Variants in RAD51B observed in about 807,000 individuals in gnomAD.
RAD51B encodes the protein RAD51 paralog B, also known as DNA repair protein RAD51 homolog 2.
In RAD51B, 38 loss-of-function variants were observed where a neutral mutation model predicts 42.2. The ratio of observed to expected loss-of-function variants is 0.90; its 90% CI spans 0.70 to 1.18. The LOEUF (loss-of-function observed/expected upper bound fraction) is 1.18, where lower values mean the gene tolerates loss of function less well. Ranked by LOEUF, RAD51B falls within the 50% of genes most tolerant of loss-of-function variation. The pLI, the probability that RAD51B is intolerant of heterozygous loss-of-function variation, is 0.00. For synonymous variants in RAD51B, 154 were observed against 145.2 expected (o/e 1.06, Z -0.43); for missense variants, 373 against 400.7 (o/e 0.93, Z 0.59).
chr14:67,955,985 C>A (rs1286565360), intron 7 of RAD51B, among the ~76,000 whole-genome samples: 3 of 152,166 alleles, frequency 2.0e-5, no homozygotes, highest in African/African-American at 4.8e-5. Context: ...TAGTTCCTTT[C>A]CTGAAAGTAA....
intron 8 of RAD51B, among the ~76,000 whole-genome samples, chr14:68,316,144 A>G (rs1300612707): frequency 6.6e-6 from 1 of 152,236 alleles, no homozygotes; most frequent in African/African-American, 2.4e-5. Context: ...ATGGGTTACA[A>G]GAAAGAATAC....
chr14:68,014,945 C>G (rs2075752055), intron 7 of RAD51B, among the ~76,000 whole-genome samples: 1 of 151,392 alleles, frequency 6.6e-6, no homozygotes, highest in Non-Finnish European at 1.5e-5. Context: ...ACTAGGGCCA[C>G]CCGGGATGCT....
At chr14:68,547,460 A>G (rs1347665763) in intron 10 of RAD51B, among the ~76,000 whole-genome samples, 4 of 152,210 alleles carry the variant, frequency 2.6e-5, no homozygotes. Context: ...CCAGTCCACA[A>G]AACAGCTCAA....
intron 7 of RAD51B, among the ~76,000 whole-genome samples, chr14:68,271,943 C>T (rs116709661): frequency 9.4e-4 from 143 of 152,282 alleles, no homozygotes; most frequent in African/African-American, 3.2e-3. Context: ...CTCCTTTCTC[C>T]AGGGGGAAGT....
chr14:68,674,098 C>T (rs1182101135), intron 11 of RAD51B, among the ~76,000 whole-genome samples: 3 of 152,058 alleles, frequency 2.0e-5, no homozygotes, highest in Non-Finnish European at 4.4e-5. Context: ...GGTATACGCA[C>T]ACTTGCATAT....
chr14:67,865,300 G>A (rs1242707366), intron 5 of RAD51B, among the ~76,000 whole-genome samples, 161 bp downstream of exon 5: 2 of 148,868 alleles, frequency 1.3e-5, no homozygotes, highest in Non-Finnish European at 3.0e-5. Flanking sequence ...GCAGTGGCAC[G>A]ATCTGGGCTC....
intron 10 of RAD51B, among the ~76,000 whole-genome samples, chr14:68,589,101 G>A (rs985807548): frequency 2.0e-5 from 3 of 152,194 alleles, no homozygotes; most frequent in African/African-American, 7.2e-5. Context: ...CTTGAAGACA[G>A]CCATGCATGT....
chr14:68,419,086 A>C (rs547783235), intron 9 of RAD51B, among the ~76,000 whole-genome samples: 1 of 152,290 alleles, frequency 6.6e-6, no homozygotes, highest in East Asian at 1.9e-4. Context: ...TGCCAAGCCT[A>C]GGATCTGCAG....
chr14:67,841,548 TG>T (rs1447340099), intron 4 of RAD51B, among the ~76,000 whole-genome samples: 1 of 152,212 alleles, frequency 6.6e-6, no homozygotes, highest in African/African-American at 2.4e-5. Flanking sequence ...TTTTATGGGT[TG>T]GGTCTTAGAT....
intron 7 of RAD51B, among the ~76,000 whole-genome samples, chr14:68,003,055 T>C (rs1157871080): frequency 6.6e-6 from 1 of 152,208 alleles, no homozygotes; most frequent in African/African-American, 2.4e-5. Context: ...TGTTTTCTAA[T>C]TCTGTGAAGG....
At chr14:68,442,416 C>G (rs1294821116) in intron 9 of RAD51B, among the ~76,000 whole-genome samples, 2 of 137,246 alleles carry the variant, frequency 1.5e-5, no homozygotes, top group Non-Finnish European at 3.1e-5. Flanking sequence ...TGAGTGCCTA[C>G]TATGTAGTAG....
intron 5 of RAD51B, among the ~76,000 whole-genome samples, chr14:67,872,775 A>G (rs1174221304): frequency 8.8e-4 from 133 of 151,066 alleles, no homozygotes; most frequent in African/African-American, 3.2e-3. Flanking sequence ...AGCCCTCAGA[A>G]ATAATGCCGC....
At chr14:68,356,982 CAAAAAAAAA>C (rs34774624) in intron 8 of RAD51B, among the ~76,000 whole-genome samples, 2 of 92,312 alleles carry the variant, frequency 2.2e-5, no homozygotes, top group Admixed American at 1.3e-4. Context: ...GACTCCGTCT[CAAAAAAAAA>C]AAAAAAAAAA....
chr14:68,639,701 A>G (rs1355084090), intron 10 of RAD51B, among the ~76,000 whole-genome samples: 1 of 152,230 alleles, frequency 6.6e-6, no homozygotes, highest in Non-Finnish European at 1.5e-5. Context: ...GAGTGTGCTG[A>G]GACAGAACCT....
intron 9 of RAD51B, among the ~76,000 whole-genome samples, chr14:68,419,805 G>C (rs1392353579): frequency 1.4e-5 from 2 of 146,218 alleles, no homozygotes; most frequent in East Asian, 1.9e-4. Flanking sequence ...AAAAAGCAGG[G>C]CAGGACAGAG....
intron 7 of RAD51B, among the ~76,000 whole-genome samples, chr14:68,173,435 AC>A (rs1460605030): frequency 3.9e-5 from 6 of 152,364 alleles, no homozygotes; most frequent in Non-Finnish European, 8.8e-5. Flanking sequence ...GCCAGTAAGT[AC>A]AGTGAGACCT....
intron 9 of RAD51B, among the ~76,000 whole-genome samples, chr14:68,424,583 A>C (rs2084787778): frequency 6.6e-6 from 1 of 152,080 alleles, no homozygotes; most frequent in African/African-American, 2.4e-5. Flanking sequence ...TTTGTGACTG[A>C]TCTCTATTTC....
chr14:68,142,359 A>G (rs994311058), intron 7 of RAD51B, among the ~76,000 whole-genome samples: 2 of 152,148 alleles, frequency 1.3e-5, no homozygotes, highest in Non-Finnish European at 2.9e-5. Context: ...TGAGTATGTG[A>G]TTTCTGTCAA....
chr14:68,562,424 C>T, intron 10 of RAD51B: 1 of 982,934 alleles, frequency 1.0e-6, no homozygotes, highest in Non-Finnish European at 1.2e-6. Flanking sequence ...ATACAGCCCC[C>T]AGTCAACCCT....
Sources: gnomAD v4.1 joint callset for allele counts (sites outside exome capture counted in the v4.1 genomes callset) on GRCh38, gnomAD v4.1.1 for gene constraint, MANE v1.5 for transcripts, NCBI Gene and HGNC (gene_info 2026-07-23, HGNC 2026-07-21) for gene names.